The following PRICKLE2 variants were observed in gnomAD, a reference collection of about 807,000 sequenced individuals.
The protein encoded by PRICKLE2 is prickle-like protein 2.
In PRICKLE2, 21 loss-of-function variants were observed where a neutral mutation model predicts 81.4. The observed-to-expected ratio is 0.26, with a 90% CI of 0.18 to 0.37. PRICKLE2 has a LOEUF of 0.37. PRICKLE2 is among the 10% of genes least tolerant of loss of function. The pLI is 1.00. For synonymous variants in PRICKLE2, 456 were observed against 421.5 expected (o/e 1.08, Z -1.00); for missense variants, 940 against 1,109.0 (o/e 0.85, Z 2.16).
At chr3:64,253,482 C>T (rs918303141) in intron 2 of PRICKLE2, among the ~76,000 whole-genome samples, 1 of 152,212 alleles carries the variant, frequency 6.6e-6, no homozygotes, top group Admixed American at 6.5e-5. Context: ...AAACCCTATT[C>T]TTGCATGTCA....
Position 64,109,320 on chromosome 3 carries a change from T to C in PRICKLE2, c.1661-9395A>G, listed in dbSNP as rs78891462. On this transcript the variant is annotated intron_variant, in intron 7 of 7. Transcript: ENST00000638394. ...CAGTGGCTATCAAGAACTCCCCAGT[T>C]AAGGCCTTTGCTGTCTAATTTTCCT... 2.4e-3 allele frequency among the ~76,000 whole-genome samples: 366 copies of C among 152,320 alleles called. 9 individuals carry two copies. The East Asian group carries it at 0.058, about 24-fold the overall frequency.
intron 1 of PRICKLE2, among the ~76,000 whole-genome samples, chr3:64,207,209 T>C (rs1452233966): frequency 6.6e-6 from 1 of 152,214 alleles, no homozygotes; most frequent in Non-Finnish European, 1.5e-5. Context: ...TCTCTTTTCA[T>C]TCTTAATAAG....
At chr3:64,195,396 T>C (rs2078434140) in intron 2 of PRICKLE2, among the ~76,000 whole-genome samples, 1 of 152,146 alleles carries the variant, frequency 6.6e-6, no homozygotes. Context: ...TCAGGAGAAA[T>C]AAAATAATAA....
intron 2 of PRICKLE2, among the ~76,000 whole-genome samples, chr3:64,238,123 A>C (rs1575701873): frequency 6.6e-6 from 1 of 152,244 alleles, no homozygotes; most frequent in Non-Finnish European, 1.5e-5. Flanking sequence ...AGCAGGTATC[A>C]GAACCTGAAA....
chr3:64,146,802 A>C (rs1184166196), intron 7 of PRICKLE2, 28 bp downstream of exon 7: 1 of 1,612,922 alleles, frequency 6.2e-7, no homozygotes, highest in South Asian at 1.1e-5. Flanking sequence ...CCCCCTTTCT[A>C]TCTGTTTTCA....
At chr3:64,158,717 A>G (rs1313477620) in intron 4 of PRICKLE2, among the ~76,000 whole-genome samples, 2 of 152,164 alleles carry the variant, frequency 1.3e-5, no homozygotes, top group African/African-American at 4.8e-5. Flanking sequence ...TCAGATCACA[A>G]CCACTGACCA....
chr3:64,266,941 TAAA>T (rs5849583), intron 2 of PRICKLE2, among the ~76,000 whole-genome samples: 1 of 105,960 alleles, frequency 9.4e-6, no homozygotes. Context: ...TGCCTCATCT[TAAA>T]AAAAAAAAAA....
At chr3:64,250,405 G>C (rs1575714415) in intron 2 of PRICKLE2, among the ~76,000 whole-genome samples, 1 of 152,140 alleles carries the variant, frequency 6.6e-6, no homozygotes, top group African/African-American at 2.4e-5. Flanking sequence ...GGCCAGGTGG[G>C]GAGTTCAAAC....
At chr3:64,139,127 T>A (rs1168942956) in intron 7 of PRICKLE2, among the ~76,000 whole-genome samples, 1 of 152,226 alleles carries the variant, frequency 6.6e-6, no homozygotes, top group Admixed American at 6.5e-5. Context: ...AATTACCCTG[T>A]TACCTTCTGG....
At chr3:64,113,359 C>T (rs1415779968) in intron 7 of PRICKLE2, among the ~76,000 whole-genome samples, 1 of 152,172 alleles carries the variant, frequency 6.6e-6, no homozygotes, top group Non-Finnish European at 1.5e-5. Context: ...CTGACCTGTG[C>T]ACCCCTTAGT....
intron 2 of PRICKLE2, among the ~76,000 whole-genome samples, chr3:64,193,633 G>A (rs1371707811): frequency 6.6e-6 from 1 of 152,136 alleles, no homozygotes; most frequent in African/African-American, 2.4e-5. Flanking sequence ...GGCTGATATG[G>A]TTTGGCTGTG....
At chr3:64,210,446 G>T (rs2078766679) in intron 1 of PRICKLE2, among the ~76,000 whole-genome samples, 1 of 152,140 alleles carries the variant, frequency 6.6e-6, no homozygotes, top group Non-Finnish European at 1.5e-5. Context: ...GGCGGAGACT[G>T]TGACGGGGCC....
upstream of PRICKLE2, among the ~76,000 whole-genome samples, chr3:64,226,661 T>C (rs1310176081): frequency 6.6e-6 from 1 of 152,252 alleles, no homozygotes; most frequent in South Asian, 2.1e-4. Flanking sequence ...TGAATGAAGT[T>C]AGAAAAATTC....
intron 2 of PRICKLE2, among the ~76,000 whole-genome samples, chr3:64,238,730 T>C (rs72884304): frequency 6.6e-6 from 1 of 152,286 alleles, no homozygotes; most frequent in African/African-American, 2.4e-5. Context: ...ACTTTCCTTC[T>C]TTGAGTCTCA....
Position 64,099,876 on chromosome 3 carries a change from A to G in PRICKLE2, c.1710T>C (p.Phe570=). The G allele has an allele frequency of 6.2e-7, 1 of 1,614,172 alleles. No homozygotes were observed. Among genetic ancestry groups the G allele is most frequent in the Non-Finnish European group, 8.5e-7 (1 of 1,180,022 alleles). The part of the protein sequence containing the change: ...GAKRQEHLSR[F]SMPDLSKDSG... ...AGTCTTTGCTGAGGTCAGGCATGGA[A>G]AATCGGGATAGGTGCTCCTGGCGCT... Residue 570 remains phenylalanine (F), a synonymous_variant, in exon 8 of 8, where the codon TTT becomes TTC. Coordinates refer to ENST00000638394, the MANE Select transcript of PRICKLE2 (RefSeq NM_198859.4). The surrounding 1 kb of genome is among the most constrained non-coding windows in gnomAD (Gnocchi z 4.3).
intron 7 of PRICKLE2, chr3:64,101,792 AGT>A (rs2076667885): frequency 6.6e-6 from 1 of 152,238 alleles, no homozygotes; most frequent in African/African-American, 2.4e-5. Flanking sequence ...AGAATCAAAA[AGT>A]GTGCTAAATT....
upstream of PRICKLE2, among the ~76,000 whole-genome samples, chr3:64,226,853 G>A (rs2079038443): frequency 6.6e-6 from 1 of 152,208 alleles, no homozygotes; most frequent in South Asian, 2.1e-4. Context: ...GAAGCACTGT[G>A]AGTGAAAGTA....
intron 6 of PRICKLE2, among the ~76,000 whole-genome samples, chr3:64,149,526 G>A (rs759332173): frequency 2.0e-5 from 3 of 152,226 alleles, no homozygotes; most frequent in Non-Finnish European, 4.4e-5. Context: ...TATGACTGTA[G>A]GGTGGACCAG....
intron 2 of PRICKLE2, among the ~76,000 whole-genome samples, chr3:64,192,761 G>T (rs571670322): frequency 1.3e-5 from 2 of 152,158 alleles, no homozygotes; most frequent in Non-Finnish European, 2.9e-5. Flanking sequence ...AGTGAGAGTT[G>T]AGTGTTCTGG....
Sources: allele counts gnomAD v4.1 joint callset (sites outside exome capture counted in the v4.1 genomes callset), GRCh38; gene constraint gnomAD v4.1.1; non-coding constraint Gnocchi (gnomAD v3.1); transcripts MANE v1.5; gene names NCBI Gene and HGNC (gene_info 2026-07-23, HGNC 2026-07-21).